The following LAMA2 variants were observed in gnomAD, a reference collection of about 807,000 sequenced individuals.
The protein encoded by LAMA2 is laminin subunit alpha 2.
In LAMA2, 269 loss-of-function variants were observed where a neutral mutation model predicts 364.8. The ratio of observed to expected loss-of-function variants is 0.74; its 90% CI spans 0.67 to 0.82. LAMA2 has a LOEUF of 0.82. Ranked by LOEUF, LAMA2 falls within the 40% of genes least tolerant of loss-of-function variation. The pLI, the probability that LAMA2 is intolerant of heterozygous loss-of-function variation, is 0.00. For missense variants in LAMA2, 3,807 were observed against 3,873.2 expected (o/e 0.98, Z 0.45); for synonymous variants, 1,379 against 1,370.6 (o/e 1.01, Z -0.14).
At chr6:129,253,999 C>T (rs1393574041) in intron 14 of LAMA2, among the ~76,000 whole-genome samples, 3 of 152,198 alleles carry the variant, frequency 2.0e-5, no homozygotes, top group Non-Finnish European at 2.9e-5. Context: ...AGCTGAAAGT[C>T]GGCATGAATC....
Position 129,287,896 on chromosome 6 carries a change from C to T in LAMA2, c.2587C>T (p.Gln863Ter), listed in dbSNP as rs897845923. The T allele has an allele frequency of 6.2e-7, 1 of 1,614,088 alleles. No individual in the cohort carries two copies. The highest frequency in any genetic ancestry group is 8.5e-7 in the Non-Finnish European group (1 of 1,179,958). Reference sequence around the variant, plus strand: ...ACCCTCTGTACCTGGAGGATCATGTCAGCCATGCCAATGCAATGACAACCT... The same window carrying T: ...ACCCTCTGTACCTGGAGGATCATGTTAGCCATGCCAATGCAATGACAACCT... ...GQPSVPGGSCQPCQCNDNLDF... is the reference protein window; with the variant it reads ...GQPSVPGGSC The change falls in exon 19 of 65, where the codon CAG becomes TAG. Residue 863 changes from glutamine to a stop codon, truncating the protein, a stop_gained. Coordinates refer to ENST00000421865, the MANE Select transcript of LAMA2 (RefSeq NM_000426.4). LOFTEE classifies it high-confidence loss of function.
chr6:129,273,559 A>G (rs192302693), intron 17 of LAMA2, among the ~76,000 whole-genome samples: 1 of 152,290 alleles, frequency 6.6e-6, no homozygotes, highest in African/African-American at 2.4e-5. Flanking sequence ...CATTAGGGAG[A>G]TAATTTTGCT....
rs117656058 is a variant in LAMA2, at chr6:128,932,956, A to G, written c.112+49599A>G. On this transcript the variant is annotated intron_variant, in intron 1 of 64. Coordinates refer to ENST00000421865, the MANE Select transcript of LAMA2 (RefSeq NM_000426.4). ...TAGATCCCTAGAACTTATTCATCTT[A>G]TAACTGAAACTGTGTACCCTTTGAC... Among the ~76,000 whole-genome samples the G allele has an allele frequency of 4.2e-4, 64 of 152,284 alleles. 1 individual carries two copies. In the East Asian group the frequency reaches 0.012, roughly 28 times the overall value.
chr6:129,295,807 G>GTATA (rs56138778), intron 20 of LAMA2, among the ~76,000 whole-genome samples: 13 of 151,398 alleles, frequency 8.6e-5, no homozygotes, highest in Middle Eastern at 3.6e-3. Flanking sequence ...ATATGAGTGT[G>GTATA]TATATATATG....
chr6:129,155,526 G>A (rs1434802119), intron 8 of LAMA2, among the ~76,000 whole-genome samples: 1 of 151,994 alleles, frequency 6.6e-6, no homozygotes, highest in Non-Finnish European at 1.5e-5. Flanking sequence ...GATGTTCAAA[G>A]TCTAAATATT....
intron 24 of LAMA2, among the ~76,000 whole-genome samples, chr6:129,315,217 A>T (rs2114500449): frequency 6.6e-6 from 1 of 152,080 alleles, no homozygotes; most frequent in Middle Eastern, 3.4e-3. Context: ...TTTTCCTTTA[A>T]CTCTTTCTAC....
At position 129,353,314 on chromosome 6, in the gene LAMA2, C is replaced by T. The variant is rs751812177; in HGVS notation, c.4674C>T (p.Asp1558=). The stretch of plus-strand genomic sequence containing the variant: ...CTGGAGCCACGGGAAGGAAGTGTGA[C>T]GGCTGCAAGCACTGGCATGCACGCG... ...CRPGATGRKC[D]GCKHWHAREG... Residue 1558 remains aspartate, a synonymous_variant, in exon 32 of 65, where the codon GAC becomes GAT. Coordinates refer to ENST00000421865, the MANE Select transcript of LAMA2 (RefSeq NM_000426.4). The T allele has an allele frequency of 2.0e-5, 33 of 1,613,934 alleles. No individual in the cohort carries two copies. Among genetic ancestry groups the T allele is most frequent in the Middle Eastern group, 1.6e-4 (1 of 6,078 alleles).
chr6:129,225,322 ACT>A (rs1301677099), intron 12 of LAMA2, among the ~76,000 whole-genome samples: 4 of 151,236 alleles, frequency 2.6e-5, no homozygotes, highest in Non-Finnish European at 5.9e-5. Context: ...GTTTTTTGTG[ACT>A]CTATCTCCTT....
rs146817692 is a variant in LAMA2, at chr6:129,411,262, T to G, written c.5865+7303T>G. ...CTTACTTGCTACAGTTGTCCATATT[T>G]CTTGGGAACCATCATTCTAAAAAAT... is the stretch of plus-strand genomic sequence containing the variant. On this transcript the variant is annotated intron_variant, in intron 40 of 64. Transcript: ENST00000421865. 4.4e-3 allele frequency among the ~76,000 whole-genome samples: 671 copies of G among 152,314 alleles called. 7 individuals are homozygous for G. Among genetic ancestry groups the G allele is most frequent in the African/African-American group, 0.016 (651 of 41,572 alleles).
At chr6:129,057,265 A>T (rs1788549817) in intron 2 of LAMA2, among the ~76,000 whole-genome samples, 1 of 152,228 alleles carries the variant, frequency 6.6e-6, no homozygotes, top group South Asian at 2.1e-4. Context: ...GTTCATCAGT[A>T]ACCCTGTGAA....
At chr6:128,909,036 G>A (rs1055445257) in intron 1 of LAMA2, among the ~76,000 whole-genome samples, 1 of 148,004 alleles carries the variant, frequency 6.8e-6, no homozygotes, top group African/African-American at 2.6e-5. Context: ...TACATTTGCT[G>A]AGGAGAGCTT....
chr6:129,266,039 G>A (rs1380439641), intron 15 of LAMA2, among the ~76,000 whole-genome samples: 1 of 151,860 alleles, frequency 6.6e-6, no homozygotes, highest in Non-Finnish European at 1.5e-5. Flanking sequence ...ACATTTCCAC[G>A]GAGCATAACA....
At chr6:129,309,845 A>G (rs1774096510) in intron 22 of LAMA2, among the ~76,000 whole-genome samples, 1 of 152,124 alleles carries the variant, frequency 6.6e-6, no homozygotes, top group Non-Finnish European at 1.5e-5. Flanking sequence ...ATTAGCAATA[A>G]TTAGATAGAA....
At chr6:129,374,891 C>G (rs567436957) in intron 34 of LAMA2, among the ~76,000 whole-genome samples, 1 of 151,814 alleles carries the variant, frequency 6.6e-6, no homozygotes, top group African/African-American at 2.4e-5. Flanking sequence ...AGCACTACTG[C>G]CAATCTTTGT....
chr6:129,064,868 C>A (rs1789187456), intron 3 of LAMA2, among the ~76,000 whole-genome samples: 1 of 152,088 alleles, frequency 6.6e-6, no homozygotes, highest in African/African-American at 2.4e-5. Context: ...TCTCAAAATC[C>A]TCCAAATAAC....
chr6:129,207,901 T>C lies in LAMA2; in HGVS notation c.1782+15048T>C, dbSNP rs1446242468. Among the ~76,000 whole-genome samples the C allele has an allele frequency of 2.6e-5, 4 of 152,200 alleles. No individual in the cohort carries two copies. The East Asian group carries it at 7.7e-4, about 29-fold the overall frequency. On this transcript the variant is annotated intron_variant, in intron 12 of 64. Transcript: ENST00000421865. ...AAGGTGAGGGTCAGGGGAAGATATTTACAGGCTTTAGGGAAAAGGCTGGTT... is the reference window on the plus strand; with the variant it reads ...AAGGTGAGGGTCAGGGGAAGATATTCACAGGCTTTAGGGAAAAGGCTGGTT...
chr6:129,171,453 T>G (rs1274177439), intron 9 of LAMA2, among the ~76,000 whole-genome samples: 2 of 152,020 alleles, frequency 1.3e-5, no homozygotes, highest in Non-Finnish European at 2.9e-5. Flanking sequence ...TGGCTGGATA[T>G]GAAATTCTGG....
At chr6:129,474,789 AAATG>A (rs1328827319) in intron 52 of LAMA2, among the ~76,000 whole-genome samples, 26 of 152,192 alleles carry the variant, frequency 1.7e-4, no homozygotes, top group African/African-American at 6.3e-4. Flanking sequence ...TGAATCTGTT[AAATG>A]AATCTTTATC....
In LAMA2 at chr6:129,396,628, C is replaced by A. The variant is rs753738572; in HGVS notation, c.5445+3373C>A. Among the ~76,000 whole-genome samples the A allele has an allele frequency of 2.6e-5, 4 of 151,830 alleles. No individual in the cohort carries two copies. In the East Asian group the frequency reaches 7.7e-4, roughly 29 times the overall value. On this transcript the variant is annotated intron_variant, in intron 37 of 64. Transcript: ENST00000421865. ...GAGAGAGGGCTAAGGGAACTGGGGACGTCATGGGAAGAAAAGAGAAGACAA... is the reference window on the plus strand; with the variant it reads ...GAGAGAGGGCTAAGGGAACTGGGGAAGTCATGGGAAGAAAAGAGAAGACAA...
Sources: gnomAD v4.1 joint callset for allele counts (sites outside exome capture counted in the v4.1 genomes callset) on GRCh38, gnomAD v4.1.1 for gene constraint, MANE v1.5 for transcripts, NCBI Gene and HGNC (gene_info 2026-07-23, HGNC 2026-07-21) for gene names.